Variants in PDE5A observed in about 807,000 individuals in gnomAD.
PDE5A encodes the protein cGMP-specific 3',5'-cyclic phosphodiesterase.
PDE5A carries 67 observed loss-of-function variants against 110.2 expected under a neutral mutation model. The ratio of observed to expected loss-of-function variants is 0.61; its 90% confidence interval spans 0.50 to 0.75. The LOEUF (loss-of-function observed/expected upper bound fraction) is 0.75. PDE5A is among the 30% of genes least tolerant of loss of function. The probability of loss-of-function intolerance (pLI) is 0.00; values close to 1 mark genes in which losing one functional copy is unlikely to be tolerated. For missense variants in PDE5A, 862 were observed against 1,045.1 expected (o/e 0.82, Z 2.42); for synonymous variants, 328 against 351.2 (o/e 0.93, Z 0.74).
intron 3 of PDE5A, among the ~76,000 whole-genome samples, chr4:119,573,374 C>A (rs971887909): frequency 6.6e-6 from 1 of 152,146 alleles, no homozygotes; most frequent in Non-Finnish European, 1.5e-5. Flanking sequence ...GTTTGTCAAT[C>A]TGATGGGCAT....
At chr4:119,628,280 T>G (rs6854072) in intron 1 of PDE5A, among the ~76,000 whole-genome samples, 147,489 of 151,782 alleles carry the variant, frequency 0.97, 71,793 homozygotes, top group East Asian at 1. Flanking sequence ...ACCAAGAGGG[T>G]CGGGGGTGAG....
At chr4:119,566,927 G>T in intron 4 of PDE5A, 146 bp downstream of exon 4, 1 of 654,870 alleles carries the variant, frequency 1.5e-6, no homozygotes, top group Non-Finnish European at 2.8e-6. Flanking sequence ...TTTAGCCTAA[G>T]ATACACTTGA....
intron 14 of PDE5A, among the ~76,000 whole-genome samples, chr4:119,514,879 A>T (rs1338824334): frequency 6.6e-6 from 1 of 152,174 alleles, no homozygotes; most frequent in Non-Finnish European, 1.5e-5. Flanking sequence ...ATTCCATTAT[A>T]CAAAGAAGGA....
chr4:119,610,991 A>G (rs529426003), intron 1 of PDE5A, among the ~76,000 whole-genome samples: 1 of 152,288 alleles, frequency 6.6e-6, no homozygotes, highest in South Asian at 2.1e-4. Flanking sequence ...CTGAGAATAA[A>G]ACCTGAGCTC....
chr4:119,609,767 G>A (rs1228807538), intron 1 of PDE5A, among the ~76,000 whole-genome samples: 8 of 152,122 alleles, frequency 5.3e-5, no homozygotes, highest in Admixed American at 5.2e-4. Flanking sequence ...TGCTGAAAGA[G>A]ATTTTAAGGG....
At chr4:119,595,355 G>T (rs1729116221) in intron 3 of PDE5A, among the ~76,000 whole-genome samples, 1 of 152,184 alleles carries the variant, frequency 6.6e-6, no homozygotes, top group African/African-American at 2.4e-5. Context: ...CTGAGATTCT[G>T]ATTTAAGGTG....
chr4:119,625,438 G>A (rs757913129), intron 1 of PDE5A, among the ~76,000 whole-genome samples: 1 of 152,204 alleles, frequency 6.6e-6, no homozygotes, highest in Non-Finnish European at 1.5e-5. Context: ...GAACCTTGAT[G>A]TTCAATAACT....
At chr4:119,622,640 G>C (rs932033382) in intron 1 of PDE5A, among the ~76,000 whole-genome samples, 2 of 152,014 alleles carry the variant, frequency 1.3e-5, no homozygotes, top group African/African-American at 4.8e-5. Flanking sequence ...TTGAGAGGCC[G>C]AGGTGGGTGG....
chr4:119,584,046 C>G (rs1444871655), intron 3 of PDE5A, among the ~76,000 whole-genome samples: 1 of 152,302 alleles, frequency 6.6e-6, no homozygotes, highest in Non-Finnish European at 1.5e-5. Context: ...GAGATGAGAT[C>G]TGGCGCACAA....
intron 10 of PDE5A, among the ~76,000 whole-genome samples, chr4:119,541,444 ATG>A (rs996872476): frequency 7.2e-5 from 11 of 151,918 alleles, no homozygotes; most frequent in Non-Finnish European, 1.3e-4. Flanking sequence ...TTGTGTGTAT[ATG>A]TGTACATATA....
intron 11 of PDE5A, among the ~76,000 whole-genome samples, chr4:119,538,233 A>C (rs920783700): frequency 6.6e-6 from 1 of 152,130 alleles, no homozygotes; most frequent in Non-Finnish European, 1.5e-5. Flanking sequence ...AGAGTTTAGC[A>C]TGTGGCAAAC....
intron 9 of PDE5A, chr4:119,550,107 T>C (rs893435293): frequency 3.9e-5 from 6 of 152,190 alleles, no homozygotes; most frequent in Admixed American, 2.0e-4. Context: ...AGAAATCAAA[T>C]TCTTAGTTTT....
chr4:119,498,589 G>GAAAT lies in PDE5A; in HGVS notation c.*8_*11dup. The stretch of plus-strand genomic sequence containing the variant: ...ATCTCTGTAAACTTCAACTCTGCAT[G>GAAAT]AAATAGGCCACTCAGTTCCGCTTGG... On this transcript the variant is annotated 3_prime_UTR_variant, in exon 21 of 21. Coordinates refer to ENST00000354960, the MANE Select transcript of PDE5A (RefSeq NM_001083.4). The GAAAT allele has an allele frequency of 1.2e-6, 2 of 1,613,786 alleles. No homozygotes were observed. The highest frequency in any genetic ancestry group is 1.7e-6 in the Non-Finnish European group (2 of 1,179,814).
At position 119,627,207 on chromosome 4, in the gene PDE5A, G is replaced by T. The variant is rs1489580155; in HGVS notation, c.152+1313C>A. ...CGTGGGAAGTTCGTTTTCGAACTCC[G>T]CCGATCCTGGACTCCAGGAGGCTCC... On this transcript the variant is annotated intron_variant, in intron 1 of 20. Coordinates refer to ENST00000354960, the MANE Select transcript of PDE5A (RefSeq NM_001083.4). The surrounding 1 kb of genome is among the most constrained non-coding windows in gnomAD (Gnocchi z 4.6). 2 of 1,612,188 alleles carry T rather than the reference G, an allele frequency of 1.2e-6. No individual in the cohort carries two copies. The highest frequency in any genetic ancestry group is 4.5e-5 in the East Asian group (2 of 44,750).
At chr4:119,601,970 G>A (rs1186167068) in intron 2 of PDE5A, among the ~76,000 whole-genome samples, 1 of 152,088 alleles carries the variant, frequency 6.6e-6, no homozygotes, top group Admixed American at 6.6e-5. Context: ...TGTTTCAGAT[G>A]GAGGGGAGAC....
chr4:119,613,545 A>T (rs576282844), intron 1 of PDE5A, among the ~76,000 whole-genome samples: 3 of 152,182 alleles, frequency 2.0e-5, no homozygotes, highest in Non-Finnish European at 4.4e-5. Context: ...TGTTTCTGGC[A>T]TATGAAGTTA....
rs1296516334 is a variant in PDE5A, at chr4:119,525,220, C to T, written c.1779+329G>A. Among the ~76,000 whole-genome samples, 1 of 151,996 alleles carries T rather than the reference C, an allele frequency of 6.6e-6. No individual in the cohort carries two copies. Among genetic ancestry groups the T allele is most frequent in the Non-Finnish European group, 1.5e-5 (1 of 67,982 alleles). ...ATTTGCTTCTCACCTTCTTCCATTG[C>T]TTCTCTTGCCATTCTTACCCCTCAA... On this transcript the variant is annotated intron_variant, in intron 12 of 20. Coordinates refer to ENST00000354960, the MANE Select transcript of PDE5A (RefSeq NM_001083.4). The surrounding 1 kb of genome is among the most constrained non-coding windows in gnomAD (Gnocchi z 4.3).
intron 1 of PDE5A, among the ~76,000 whole-genome samples, chr4:119,613,897 T>G (rs1729843406): frequency 1.3e-5 from 2 of 152,032 alleles, no homozygotes; most frequent in Admixed American, 1.3e-4. Flanking sequence ...AATCCAGGTT[T>G]CCTATTCCAG....
intron 2 of PDE5A, among the ~76,000 whole-genome samples, chr4:119,601,865 G>A (rs1377605524): frequency 6.6e-6 from 1 of 152,176 alleles, no homozygotes; most frequent in African/African-American, 2.4e-5. Flanking sequence ...AAAGGGCCTA[G>A]CTTGAATCTA....
Sources: gnomAD v4.1 joint callset for allele counts (sites outside exome capture counted in the v4.1 genomes callset) on GRCh38, gnomAD v4.1.1 for gene constraint, Gnocchi (gnomAD v3.1) non-coding constraint, MANE v1.5 for transcripts, NCBI Gene and HGNC (gene_info 2026-07-23, HGNC 2026-07-21) for gene names.